ZNF606: variants seen among roughly 807,000 people sequenced by gnomAD.
ZNF606 encodes zinc finger protein 606.
In ZNF606, 37 loss-of-function variants were observed where a neutral mutation model predicts 74.9. That is an observed-to-expected ratio of 0.49 (90% CI 0.38 to 0.65). The LOEUF (loss-of-function observed/expected upper bound fraction) is 0.65, where lower values mean the gene tolerates loss of function less well. Among genes scored for constraint, ZNF606 ranks in the 30% least tolerant of loss-of-function variants. The pLI is 0.00. For synonymous variants in ZNF606, 328 were observed against 312.4 expected, an observed-to-expected ratio of 1.05 and a Z score of -0.53; for missense variants, 852 against 952.9, an observed-to-expected ratio of 0.89 and a Z score of 1.39.
chr19:57,999,990 C>A, intron 3 of ZNF606, 94 bp from the exon 4 acceptor site: 2 of 1,109,374 alleles, frequency 1.8e-6, no homozygotes, highest in Non-Finnish European at 2.5e-6. Flanking sequence ...TGCCCCTCCC[C>A]CTTGAATGAG....
At chr19:57,990,703 A>G (rs931576479) in intron 4 of ZNF606, among the ~76,000 whole-genome samples, 6 of 152,148 alleles carry the variant, frequency 3.9e-5, no homozygotes, top group African/African-American at 1.4e-4. Flanking sequence ...TGGCCCTCTT[A>G]GTCACAGCTT....
chr19:57,997,723 C>T (rs1210347476), intron 4 of ZNF606: 12 of 152,196 alleles, frequency 7.9e-5, no homozygotes, highest in Admixed American at 1.3e-4. Flanking sequence ...AGGGCTTCTT[C>T]GCAGTGTTTT....
At chr19:57,996,430 G>T (rs550386543) in intron 4 of ZNF606, among the ~76,000 whole-genome samples, 1 of 152,324 alleles carries the variant, frequency 6.6e-6, no homozygotes, top group Admixed American at 6.5e-5. Context: ...GAACCCGGGA[G>T]GGGAGGCTGC....
At chr19:57,986,771 A>G (rs1473977958) in intron 6 of ZNF606, among the ~76,000 whole-genome samples, 1 of 152,180 alleles carries the variant, frequency 6.6e-6, no homozygotes, top group Non-Finnish European at 1.5e-5. Context: ...AATCCAAACT[A>G]CATTGTCATA....
At chr19:58,000,628 C>T in intron 3 of ZNF606, 55 bp downstream of exon 3, 2 of 1,590,348 alleles carry the variant, frequency 1.3e-6, no homozygotes, top group Non-Finnish European at 1.7e-6. Context: ...TGGCAGAGCA[C>T]TACAGCCAGA....
At chr19:58,001,107 TA>T (rs2073420555) in intron 2 of ZNF606, 181 bp downstream of exon 2, 1 of 690,828 alleles carries the variant, frequency 1.4e-6, no homozygotes, top group South Asian at 2.0e-5. Flanking sequence ...CTATAAAACA[TA>T]AAAGTTAGTG....
intron 6 of ZNF606, among the ~76,000 whole-genome samples, chr19:57,986,078 A>C (rs1195302166): frequency 6.6e-6 from 1 of 152,082 alleles, no homozygotes; most frequent in Non-Finnish European, 1.5e-5. Context: ...AAGACAAAAA[A>C]ACATGACAAT....
Position 57,978,283 on chromosome 19 carries a change from CG to C in ZNF606, c.*17del, listed in dbSNP as rs774787414. ...AATGTGTTGTCAAATGTACAAGAAA[CG>C]AAAAACTCGCATAAATTCAATTCAG... On this transcript the variant is annotated 3_prime_UTR_variant, in exon 7 of 7. Coordinates refer to ENST00000551380, the MANE Select transcript of ZNF606 (RefSeq NM_001348022.3). This position sits in a 1 kb window ranked among gnomAD's most constrained non-coding sequence, Gnocchi z 4.4. 15 of 1,535,476 alleles carry C rather than the reference CG, an allele frequency of 9.8e-6. No individual in the cohort carries two copies. In the African/African-American group the frequency reaches 1.8e-4, roughly 18 times the overall value.
At chr19:57,997,503 C>A (rs2073356482) in intron 4 of ZNF606, 1 of 152,210 alleles carries the variant, frequency 6.6e-6, no homozygotes, top group African/African-American at 2.4e-5. Flanking sequence ...TAGTTAAAAA[C>A]ACACAGCAGT....
intron 5 of ZNF606, 37 bp downstream of exon 5, chr19:57,988,558 G>A: frequency 1.3e-6 from 2 of 1,596,862 alleles, no homozygotes; most frequent in Admixed American, 3.4e-5. Context: ...CATTACCATG[G>A]GAACAGCTTC....
At chr19:57,989,529 C>G (rs1213544042) in intron 4 of ZNF606, among the ~76,000 whole-genome samples, 1 of 152,050 alleles carries the variant, frequency 6.6e-6, no homozygotes, top group African/African-American at 2.4e-5. Flanking sequence ...TCACTACAAC[C>G]TCTGCCTCCC....
chr19:57,998,591 G>A (rs1476583266), intron 4 of ZNF606: 1 of 152,128 alleles, frequency 6.6e-6, no homozygotes, highest in African/African-American at 2.4e-5. Context: ...ATGGGTACAG[G>A]ATTTCTTTTT....
At position 58,000,808 on chromosome 19, in the gene ZNF606, G is replaced by A. The variant is rs1276413693; in HGVS notation, c.32-69C>T. On this transcript the variant is annotated intron_variant, in intron 2 of 6. Transcript: ENST00000551380. Reference sequence around the variant, plus strand: ...GATTCAAGGCGACAAAATACAAGAGGAGGCTGACTCGCTAATGGGCACTAC... The same window carrying A: ...GATTCAAGGCGACAAAATACAAGAGAAGGCTGACTCGCTAATGGGCACTAC... 2.0e-5 allele frequency: 28 copies of A among 1,434,562 alleles called. No homozygotes were observed. In the East Asian group the frequency reaches 5.4e-4, roughly 28 times the overall value. The allele number at this position is 1,434,562 out of a possible 1,614,324, so 88.9% of individuals were successfully genotyped here. A position where few individuals can be genotyped will look rare whatever the true frequency, so the allele number is the denominator to read the frequency against.
chr19:57,988,782 T>A, intron 4 of ZNF606, 61 bp from the exon 5 acceptor site: 6 of 1,610,442 alleles, frequency 3.7e-6, no homozygotes, highest in Non-Finnish European at 5.1e-6. Context: ...TTTCCAGGGA[T>A]GGAGTGAGGC....
Position 58,001,286 on chromosome 19 carries a change from C to CA in ZNF606, c.31+2dup. The CA allele has an allele frequency of 1.2e-6, 2 of 1,614,148 alleles. No homozygotes were observed. The highest frequency in any genetic ancestry group is 1.7e-6 in the Non-Finnish European group (2 of 1,180,032). ...GCCCAGGAGAAACACAACTTGGACT[C>CA]ACCCCAGGAGGCCCACGGGTTGATG... On this transcript the variant is annotated splice_region_variant and intron_variant, in intron 2 of 6. Coordinates refer to ENST00000551380, the MANE Select transcript of ZNF606 (RefSeq NM_001348022.3).
At position 58,001,390 on chromosome 19, in the gene ZNF606, A is replaced by G; in HGVS notation, c.-51-20T>C. The G allele has an allele frequency of 6.3e-7, 1 of 1,590,962 alleles. No individual in the cohort carries two copies. The highest frequency in any genetic ancestry group is 1.3e-5 in the African/African-American group (1 of 74,538). The stretch of plus-strand genomic sequence containing the variant: ...CCCAACCTAGTGACAAAAGTGAAAA[A>G]AGACAAAACTAGTCCTTTCTCACAG... On this transcript the variant is annotated intron_variant, in intron 1 of 6. Coordinates refer to ENST00000551380, the MANE Select transcript of ZNF606 (RefSeq NM_001348022.3).
Position 57,979,609 on chromosome 19 carries a change from T to C in ZNF606, c.1071A>G (p.Ser357=). ...YKEYENIFYF[S]SFMEHQKIGT... is the part of the protein sequence containing the mutation. ...CAATTTTTTGATGTTCCATAAAGGA[T>C]GAGAAATAAAAGATATTCTCATATT... Residue 357 remains serine, a synonymous_variant, in exon 7 of 7, where the codon TCA becomes TCG. Coordinates refer to ENST00000551380, the MANE Select transcript of ZNF606 (RefSeq NM_001348022.3). 1 of 1,613,510 alleles carries C rather than the reference T, an allele frequency of 6.2e-7. No individual in the cohort carries two copies. The highest frequency in any genetic ancestry group is 8.5e-7 in the Non-Finnish European group (1 of 1,179,966).
Position 57,978,225 on chromosome 19 carries a change from T to C in ZNF606, c.*76A>G. ...CTTACTGAACTCTTAATGAAAAATG[T>C]CCCCTCTTGATTATGTTTATAGGGT... On this transcript the variant is annotated 3_prime_UTR_variant, in exon 7 of 7. Coordinates refer to ENST00000551380, the MANE Select transcript of ZNF606 (RefSeq NM_001348022.3). This position sits in a 1 kb window ranked among gnomAD's most constrained non-coding sequence, Gnocchi z 4.4. The C allele has an allele frequency of 7.2e-7, 1 of 1,393,874 alleles. No individual in the cohort carries two copies. The highest frequency in any genetic ancestry group is 9.6e-7 in the Non-Finnish European group (1 of 1,040,992). 86.3% of individuals were successfully genotyped at this position (1,393,874 alleles called of 1,614,324 possible). A position where few individuals can be genotyped will look rare whatever the true frequency, so the allele number is the denominator to read the frequency against.
intron 4 of ZNF606, among the ~76,000 whole-genome samples, chr19:57,991,159 C>T (rs552992852): frequency 3.3e-5 from 5 of 152,206 alleles, no homozygotes; most frequent in East Asian, 1.9e-4. Context: ...CTTTATTATC[C>T]GTTTTCCTGT....
Sources: gnomAD v4.1 joint callset for allele counts (sites outside exome capture counted in the v4.1 genomes callset) on GRCh38, gnomAD v4.1.1 for gene constraint, Gnocchi (gnomAD v3.1) non-coding constraint, MANE v1.5 for transcripts, NCBI Gene and HGNC (gene_info 2026-07-23, HGNC 2026-07-21) for gene names.